DHRSX: variants seen among roughly 807,000 people sequenced by gnomAD.
DHRSX encodes dehydrogenase/reductase X-linked, also known as polyprenol dehydrogenase.
In DHRSX, 31 loss-of-function variants were observed where a neutral mutation model predicts 34.0. The observed-to-expected ratio is 0.91, with a 90% CI of 0.69 to 1.23. DHRSX has a LOEUF of 1.23. Among genes scored for constraint, DHRSX ranks in the 50% most tolerant of loss-of-function variants. The pLI, the probability that DHRSX is intolerant of heterozygous loss-of-function variation, is 0.00. For missense variants in DHRSX, 414 were observed against 428.1 expected, an observed-to-expected ratio of 0.97 and a Z score of 0.29; for synonymous variants, 201 against 183.8, an observed-to-expected ratio of 1.09 and a Z score of -0.76.
chrX:2,446,623 A>T (rs1329168607), intron 1 of DHRSX, among the ~76,000 whole-genome samples: 1 of 150,884 alleles, frequency 6.6e-6, no homozygotes, highest in Non-Finnish European at 1.5e-5. Context: ...TTCCCTAAGC[A>T]TGGGCTAAGG....
intron 5 of DHRSX, among the ~76,000 whole-genome samples, chrX:2,252,480 T>C (rs183660661): frequency 6.6e-6 from 1 of 152,256 alleles, no homozygotes. Flanking sequence ...GGCATGATCG[T>C]TTTTTAAATA....
chrX:2,424,082 A>G (rs1168178586), intron 2 of DHRSX, among the ~76,000 whole-genome samples: 1 of 152,152 alleles, frequency 6.6e-6, no homozygotes, highest in Non-Finnish European at 1.5e-5. Flanking sequence ...AAATGAGGTC[A>G]CCAGAGTGGG....
Position 2,375,729 on chromosome X carries a change from T to C in DHRSX, c.286+33016A>G, listed in dbSNP as rs1220221026. 1.2e-4 allele frequency among the ~76,000 whole-genome samples: 16 copies of C among 135,978 alleles called. 2 individuals are homozygous for C. The highest frequency in any genetic ancestry group is 2.8e-4 in the Non-Finnish European group (16 of 57,474). 89.2% of individuals were successfully genotyped at this position (135,978 alleles called of 152,430 possible). ...CTCACTGCAACGTCCGCCTCCTAGG[T>C]TCAAGTGATTCTCCTGCCTCAGCCT... On this transcript the variant is annotated intron_variant, in intron 3 of 6. Coordinates refer to ENST00000334651, the MANE Select transcript of DHRSX (RefSeq NM_145177.3).
intron 3 of DHRSX, among the ~76,000 whole-genome samples, chrX:2,367,708 T>C (rs1221076485): frequency 6.6e-6 from 1 of 152,166 alleles, no homozygotes; most frequent in Non-Finnish European, 1.5e-5. Flanking sequence ...TCTTATTTCA[T>C]GTACACTCAG....
Position 2,220,777 on chromosome X carries a change from A to C in DHRSX, c.*264T>G, listed in dbSNP as rs901640246. 2 of 457,310 alleles carry C rather than the reference A, an allele frequency of 4.4e-6. No individual in the cohort carries two copies. Among genetic ancestry groups the C allele is most frequent in the African/African-American group, 3.9e-5 (2 of 51,700 alleles). 28.3% of individuals were successfully genotyped at this position (457,310 alleles called of 1,614,324 possible). ...ATGGCACATTTATGTTGGAAAATGT[A>C]ATTATTTATGGCACCTGTGACAACT... is the stretch of plus-strand genomic sequence containing the variant. On this transcript the variant is annotated 3_prime_UTR_variant, in exon 7 of 7. Transcript: ENST00000334651.
intron 4 of DHRSX, among the ~76,000 whole-genome samples, chrX:2,285,696 C>T (rs1178728505): frequency 6.6e-6 from 1 of 152,162 alleles, no homozygotes; most frequent in Non-Finnish European, 1.5e-5. Context: ...CTAAAAGTAC[C>T]ACCACTGGAG....
chrX:2,223,557 T>C (rs1438375361), intron 6 of DHRSX, among the ~76,000 whole-genome samples: 1 of 151,652 alleles, frequency 6.6e-6, no homozygotes, highest in Non-Finnish European at 1.5e-5. Context: ...GCCCTGGGCA[T>C]CTAAAGACCA....
At chrX:2,431,772 G>A (rs2043926414) in intron 1 of DHRSX, among the ~76,000 whole-genome samples, 1 of 152,156 alleles carries the variant, frequency 6.6e-6, no homozygotes. Context: ...AGGAAGGGAT[G>A]GGGCAAGGGT....
intron 3 of DHRSX, among the ~76,000 whole-genome samples, chrX:2,316,496 G>A (rs1309882298): frequency 1.3e-5 from 2 of 152,066 alleles, no homozygotes; most frequent in Non-Finnish European, 2.9e-5. Context: ...AGGTTGCAGT[G>A]AGCCGAGATT....
chrX:2,437,468 A>T (rs1056873233), intron 1 of DHRSX, among the ~76,000 whole-genome samples: 8 of 152,104 alleles, frequency 5.3e-5, no homozygotes, highest in Admixed American at 4.6e-4. Context: ...TCCAGGTGTG[A>T]TGGTGTGCCC....
intron 3 of DHRSX, among the ~76,000 whole-genome samples, chrX:2,346,910 T>G (rs1361454374): frequency 6.6e-6 from 1 of 152,144 alleles, no homozygotes; most frequent in East Asian, 1.9e-4. Context: ...TTTGGTTTTC[T>G]GTCCTTGTGA....
rs758583590 is a variant in DHRSX, at chrX:2,327,831, A to C, written c.287-36228T>G. Among the ~76,000 whole-genome samples, 19 of 152,212 alleles carry C rather than the reference A, an allele frequency of 1.2e-4. No homozygotes were observed. In the East Asian group the frequency reaches 3.5e-3, roughly 28 times the overall value. ...TGTGGTGGCTCACGCCTGTAATCCC[A>C]GTACTTTGGGAGGCTGAGGTGGGTG... On this transcript the variant is annotated intron_variant, in intron 3 of 6. Transcript: ENST00000334651.
intron 6 of DHRSX, among the ~76,000 whole-genome samples, chrX:2,231,948 CCTT>C (rs2015899533): frequency 7.4e-6 from 1 of 135,776 alleles, no homozygotes; most frequent in Admixed American, 7.4e-5. Flanking sequence ...CTTCTCTCCT[CCTT>C]CTCTTTTCTT....
At chrX:2,304,804 T>G (rs1430198635) in intron 3 of DHRSX, among the ~76,000 whole-genome samples, 1 of 152,074 alleles carries the variant, frequency 6.6e-6, no homozygotes, top group Non-Finnish European at 1.5e-5. Context: ...TAGCAATTCC[T>G]CAAAGACCTA....
At chrX:2,263,512 CTT>C (rs775187535) in intron 5 of DHRSX, among the ~76,000 whole-genome samples, 6,391 of 130,368 alleles carry the variant, frequency 0.049, 422 homozygotes, top group African/African-American at 0.17. Flanking sequence ...ATTTTTCTTT[CTT>C]TTTTTTTTTT....
At position 2,231,594 on chromosome X, in the gene DHRSX, T is replaced by C. The variant is rs867239388; in HGVS notation, c.805-10365A>G. On this transcript the variant is annotated intron_variant, in intron 6 of 6. Coordinates refer to ENST00000334651, the MANE Select transcript of DHRSX (RefSeq NM_145177.3). Reference sequence around the variant, plus strand: ...CTTCCTCCTCCATCGTATCCTCCTTTTTCTTTTTTCCCTTATTCTCCTTTC... The same window carrying C: ...CTTCCTCCTCCATCGTATCCTCCTTCTTCTTTTTTCCCTTATTCTCCTTTC... Among the ~76,000 whole-genome samples the C allele has an allele frequency of 2.2e-4, 12 of 54,908 alleles. No homozygotes were observed. The South Asian group carries it at 9.8e-3, about 45-fold the overall frequency. 36.0% of individuals were successfully genotyped at this position (54,908 alleles called of 152,430 possible). A position where few individuals can be genotyped will look rare whatever the true frequency, so the allele number is the denominator to read the frequency against.
At chrX:2,314,868 G>A (rs1173410740) in intron 3 of DHRSX, among the ~76,000 whole-genome samples, 1 of 152,030 alleles carries the variant, frequency 6.6e-6, no homozygotes, top group African/African-American at 2.4e-5. Flanking sequence ...TGAAAAGATT[G>A]GGTCTTAGGC....
At chrX:2,272,943 G>T (rs2041576762) in intron 4 of DHRSX, among the ~76,000 whole-genome samples, 1 of 152,178 alleles carries the variant, frequency 6.6e-6, no homozygotes, top group South Asian at 2.1e-4. Context: ...CCACTCCTGG[G>T]TATCTACCCA....
intron 3 of DHRSX, among the ~76,000 whole-genome samples, chrX:2,320,859 T>C (rs2042302614): frequency 6.6e-6 from 1 of 151,860 alleles, no homozygotes; most frequent in Admixed American, 6.6e-5. Flanking sequence ...ATAAAGAGGG[T>C]TAAGTGCAAG....
Sources: gnomAD v4.1 joint callset for allele counts (sites outside exome capture counted in the v4.1 genomes callset) on GRCh38, gnomAD v4.1.1 for gene constraint, MANE v1.5 for transcripts, NCBI Gene and HGNC (gene_info 2026-07-23, HGNC 2026-07-21) for gene names.